Variants in SRGAP1 observed in about 807,000 individuals in gnomAD.
SRGAP1 encodes the protein SLIT-ROBO Rho GTPase activating protein 1, also known as SLIT-ROBO Rho GTPase-activating protein 1.
Under a neutral mutation model 121.9 loss-of-function variants are expected in SRGAP1, and 43 were observed. That is an observed-to-expected ratio of 0.35 (90% CI 0.28 to 0.46). SRGAP1 has a LOEUF of 0.46. Ranked by LOEUF, SRGAP1 falls within the 20% of genes least tolerant of loss-of-function variation. The pLI is 1.00. For missense variants in SRGAP1, 1,102 were observed against 1,350.9 expected, an observed-to-expected ratio of 0.82 and a Z score of 2.89; for synonymous variants, 447 against 485.4, an observed-to-expected ratio of 0.92 and a Z score of 1.04.
intron 3 of SRGAP1, among the ~76,000 whole-genome samples, chr12:64,010,211 C>T (rs2034211440): frequency 6.6e-6 from 1 of 152,122 alleles, no homozygotes; most frequent in East Asian, 1.9e-4. Context: ...ACTCAGCATA[C>T]AGTCTGGGTT....
chr12:64,087,354 T>TA (rs561347453), intron 11 of SRGAP1, among the ~76,000 whole-genome samples: 7 of 149,556 alleles, frequency 4.7e-5, no homozygotes, highest in South Asian at 4.2e-4. Flanking sequence ...ATAGTTTAAT[T>TA]AAAAAAAAAA....
At chr12:64,007,650 T>A (rs113944124) in intron 3 of SRGAP1, among the ~76,000 whole-genome samples, 1 of 152,114 alleles carries the variant, frequency 6.6e-6, no homozygotes, top group Admixed American at 6.5e-5. Flanking sequence ...AGACCTGTCA[T>A]ACAGAAGATG....
intron 6 of SRGAP1, among the ~76,000 whole-genome samples, chr12:64,045,314 C>T (rs1009118711): frequency 1.3e-5 from 2 of 151,964 alleles, no homozygotes; most frequent in African/African-American, 2.4e-5. Flanking sequence ...CCCCAGTTTT[C>T]AAACTTAAAT....
At chr12:64,137,414 A>G (rs2036873362) in intron 21 of SRGAP1, among the ~76,000 whole-genome samples, 1 of 152,228 alleles carries the variant, frequency 6.6e-6, no homozygotes, top group Non-Finnish European at 1.5e-5. Context: ...TAACTTGAAA[A>G]GTGATGTCAC....
intron 1 of SRGAP1, among the ~76,000 whole-genome samples, chr12:63,861,177 A>AT (rs5798706): frequency 2.0e-3 from 280 of 140,340 alleles, no homozygotes; most frequent in Admixed American, 4.6e-3. Flanking sequence ...GCATTCTGTA[A>AT]TTTTTTTTTT....
intron 3 of SRGAP1, among the ~76,000 whole-genome samples, chr12:63,998,358 A>G (rs1432502448): frequency 1.3e-5 from 2 of 152,242 alleles, no homozygotes; most frequent in Non-Finnish European, 1.5e-5. Flanking sequence ...TTTAAGCAAC[A>G]CTATAATGTA....
At chr12:64,034,792 A>C (rs905425208) in intron 4 of SRGAP1, among the ~76,000 whole-genome samples, 3 of 152,204 alleles carry the variant, frequency 2.0e-5, no homozygotes, top group African/African-American at 7.2e-5. Context: ...GCAGGATTTG[A>C]ACCCAGGCAG....
intron 1 of SRGAP1, among the ~76,000 whole-genome samples, chr12:63,938,741 G>GT (rs75409568): frequency 2.9e-3 from 418 of 143,276 alleles, no homozygotes; most frequent in Middle Eastern, 7.3e-3. Flanking sequence ...ATGTTTTTAG[G>GT]TTTTTTTTTT....
chr12:64,114,331 CTTTTTTTTTTTTTTTT>C (rs957049187), intron 17 of SRGAP1, among the ~76,000 whole-genome samples: 1 of 89,252 alleles, frequency 1.1e-5, no homozygotes, highest in Non-Finnish European at 2.2e-5. Flanking sequence ...ATATGGTTAG[CTTTTTTTTTTTTTTTT>C]TTTTTTTTTT....
intron 15 of SRGAP1, among the ~76,000 whole-genome samples, chr12:64,106,195 T>G (rs935689833): frequency 6.6e-6 from 1 of 152,178 alleles, no homozygotes; most frequent in Admixed American, 6.6e-5. Context: ...ACTTCACTTT[T>G]GAAACACCCA....
intron 1 of SRGAP1, among the ~76,000 whole-genome samples, chr12:63,954,873 A>G (rs2032413812): frequency 6.6e-6 from 1 of 152,116 alleles, no homozygotes; most frequent in African/African-American, 2.4e-5. Flanking sequence ...AACTGCCTCC[A>G]AGGTTGTTTT....
intron 15 of SRGAP1, among the ~76,000 whole-genome samples, chr12:64,104,492 C>T (rs961318507): frequency 6.6e-6 from 1 of 152,148 alleles, no homozygotes; most frequent in Non-Finnish European, 1.5e-5. Context: ...TGAAATTTGC[C>T]ACACTCAGAG....
At chr12:63,913,373 G>C (rs1398724825) in intron 1 of SRGAP1, among the ~76,000 whole-genome samples, 1 of 145,938 alleles carries the variant, frequency 6.9e-6, no homozygotes, top group Non-Finnish European at 1.5e-5. Flanking sequence ...GCCCAGGCTG[G>C]TCTTGAACTC....
chr12:63,961,172 T>C (rs971840247), intron 1 of SRGAP1, among the ~76,000 whole-genome samples: 9 of 152,320 alleles, frequency 5.9e-5, no homozygotes, highest in African/African-American at 2.2e-4. Context: ...AGTTCCATTT[T>C]CTAGCCATAC....
At chr12:63,909,926 C>T (rs2030412673) in intron 1 of SRGAP1, among the ~76,000 whole-genome samples, 1 of 152,166 alleles carries the variant, frequency 6.6e-6, no homozygotes, top group African/African-American at 2.4e-5. Context: ...TGAGGCCCAC[C>T]CACATTATGG....
intron 1 of SRGAP1, among the ~76,000 whole-genome samples, chr12:63,948,652 A>G (rs1419419360): frequency 2.6e-5 from 4 of 151,734 alleles, no homozygotes; most frequent in South Asian, 2.1e-4. Flanking sequence ...CTATTTTTAT[A>G]TATTCATAGT....
intron 6 of SRGAP1, among the ~76,000 whole-genome samples, chr12:64,057,075 A>G (rs1293138171): frequency 6.6e-6 from 1 of 152,126 alleles, no homozygotes; most frequent in Non-Finnish European, 1.5e-5. Context: ...TCTGAAGGAA[A>G]TGATTGTCCA....
intron 1 of SRGAP1, among the ~76,000 whole-genome samples, chr12:63,957,534 C>T (rs1234000382): frequency 6.6e-6 from 1 of 152,162 alleles, no homozygotes; most frequent in East Asian, 1.9e-4. Context: ...CCTCAGCTTT[C>T]CTGTCTAAGA....
intron 1 of SRGAP1, among the ~76,000 whole-genome samples, chr12:63,862,255 C>T (rs915952713): frequency 1.3e-5 from 2 of 152,154 alleles, no homozygotes; most frequent in African/African-American, 4.8e-5. Flanking sequence ...GGAAAATTAT[C>T]CCTTGTGATT....
Sources: allele counts gnomAD v4.1 joint callset (sites outside exome capture counted in the v4.1 genomes callset), GRCh38; gene constraint gnomAD v4.1.1; transcripts MANE v1.5; gene names NCBI Gene and HGNC (gene_info 2026-07-23, HGNC 2026-07-21).